The following CHAF1A variants were observed in gnomAD, a reference collection of about 807,000 sequenced individuals.
CHAF1A encodes the protein chromatin assembly factor 1 subunit A.
A neutral mutation model predicts 93.2 loss-of-function variants in CHAF1A; 5 were observed. The observed-to-expected ratio is 0.05, with a 90% confidence interval of 0.03 to 0.11. CHAF1A has a LOEUF of 0.11. Among genes scored for constraint, CHAF1A ranks in the 10% least tolerant of loss-of-function variants. The pLI, the probability that CHAF1A is intolerant of heterozygous loss-of-function variation, is 1.00. For synonymous variants in CHAF1A, 504 were observed against 510.3 expected, an observed-to-expected ratio of 0.99 and a Z score of 0.17; for missense variants, 1,102 against 1,259.9, an observed-to-expected ratio of 0.87 and a Z score of 1.90.
At chr19:4,448,096 A>G (rs1599675719), downstream of CHAF1A, 4 of 587,160 alleles carry the variant, frequency 6.8e-6, no homozygotes, top group East Asian at 1.1e-4. Flanking sequence ...GAAACCCCTG[A>G]TTCCTTCAAC....
At position 4,427,136 on chromosome 19, in the gene CHAF1A, C is replaced by CTTTTT. The variant is rs747750687; in HGVS notation, c.1378-1501_1378-1497dup. Among the ~76,000 whole-genome samples, 42 of 31,946 alleles carry CTTTTT rather than the reference C, an allele frequency of 1.3e-3. 4 individuals carry two copies. Among genetic ancestry groups the CTTTTT allele is most frequent in the African/African-American group, 3.5e-3 (24 of 6,820 alleles). 21.0% of individuals were successfully genotyped at this position (31,946 alleles called of 152,430 possible). On this transcript the variant is annotated intron_variant, in intron 7 of 14. Coordinates refer to ENST00000301280, the MANE Select transcript of CHAF1A (RefSeq NM_005483.3). ...GTGATCTTTCAAAAAAAGACCCTGT[C>CTTTTT]TTTTTTTTTTTTTTTTTTTTTTTTT...
intron 2 of CHAF1A, among the ~76,000 whole-genome samples, chr19:4,406,843 TGA>T (rs1973690191): frequency 1.3e-5 from 2 of 152,054 alleles, no homozygotes; most frequent in Admixed American, 1.3e-4. Flanking sequence ...GAGGAGTGCT[TGA>T]GTCCAGGAGT....
rs760263178 is a variant in CHAF1A, at chr19:4,409,126, T to G, written c.327T>G (p.Ser109Arg). 6.2e-7 allele frequency: 1 copy of G among 1,614,076 alleles called. No individual in the cohort carries two copies. The highest frequency in any genetic ancestry group is 1.1e-5 in the South Asian group (1 of 91,076). Residue 109 changes from serine (S) to arginine (R), a missense_variant, in exon 3 of 15, where the codon AGT (serine) becomes AGG (arginine). Coordinates refer to ENST00000301280, the MANE Select transcript of CHAF1A (RefSeq NM_005483.3). ...DNFLRNRIETSIGQSTVIIDL... is the reference protein window; with the variant it reads ...DNFLRNRIETRIGQSTVIIDL... ...TTTTAAGAAATAGAATCGAAACCAG[T>G]ATTGGCCAGAGCACAGTCATCATTG...
intron 13 of CHAF1A, among the ~76,000 whole-genome samples, chr19:4,438,818 T>C (rs1429647927): frequency 6.6e-6 from 1 of 151,892 alleles, no homozygotes; most frequent in East Asian, 1.9e-4. Context: ...CCGTCTCTAC[T>C]AAAAATACAA....
At chr19:4,442,419 C>A in intron 14 of CHAF1A, 78 bp downstream of exon 14, 1 of 1,174,896 alleles carries the variant, frequency 8.5e-7, no homozygotes, top group Non-Finnish European at 1.2e-6. Flanking sequence ...AGGGATGGGG[C>A]TGCCTAAGAC....
chr19:4,450,119 G>A, the CHAF1A span: 1 of 152,024 alleles, frequency 6.6e-6, no homozygotes, highest in East Asian at 1.9e-4. Context: ...CAGCTACTTG[G>A]GAGGCTGAGG....
chr19:4,445,485 C>T (rs1275653294), downstream of CHAF1A: 4 of 1,613,706 alleles, frequency 2.5e-6, no homozygotes, highest in South Asian at 4.4e-5. Flanking sequence ...CTGAGGCCAA[C>T]CCTGCTTTTA....
chr19:4,429,191 C>G, intron 8 of CHAF1A: 1 of 599,078 alleles, frequency 1.7e-6, no homozygotes, highest in Admixed American at 3.0e-5. Context: ...CAGAACCTCC[C>G]TTGCTAAAAA....
chr19:4,429,114 CT>C (rs1341251071), intron 8 of CHAF1A: 17 of 593,708 alleles, frequency 2.9e-5, no homozygotes, highest in Middle Eastern at 4.4e-4. Context: ...GTGGAGGAAT[CT>C]TATTTCCCTG....
In CHAF1A at chr19:4,409,738, C is replaced by G; in HGVS notation, c.939C>G (p.Pro313=). 1.2e-6 allele frequency: 2 copies of G among 1,612,378 alleles called. No individual in the cohort carries two copies. The highest frequency in any genetic ancestry group is 1.7e-6 in the Non-Finnish European group (2 of 1,178,744). The change falls in exon 3 of 15, where the codon CCC becomes CCG. Residue 313 remains proline (P), a synonymous_variant. Coordinates refer to ENST00000301280, the MANE Select transcript of CHAF1A (RefSeq NM_005483.3). ...PKQHSSTSPF[P]TSTPLRRITK... Reference sequence around the variant, plus strand: ...AGCACAGCAGTACCAGTCCCTTCCCCACCTCCACGCCCCTCCGCAGAGTGA... The same window carrying G: ...AGCACAGCAGTACCAGTCCCTTCCCGACCTCCACGCCCCTCCGCAGAGTGA...
intron 3 of CHAF1A, among the ~76,000 whole-genome samples, chr19:4,413,678 T>C (rs977999858): frequency 6.6e-6 from 1 of 152,190 alleles, no homozygotes; most frequent in African/African-American, 2.4e-5. Context: ...ATTTCTTCTT[T>C]AAAATAAAAG....
At chr19:4,449,031 G>A (rs1396463587), downstream of CHAF1A, 1 of 155,350 alleles carries the variant, frequency 6.4e-6, no homozygotes, top group Non-Finnish European at 1.4e-5. Context: ...CCGGGGGAGG[G>A]GAGAAGTCAT....
chr19:4,442,447 G>C, intron 14 of CHAF1A, 106 bp downstream of exon 14: 1 of 949,050 alleles, frequency 1.1e-6, no homozygotes, highest in East Asian at 2.7e-5. Flanking sequence ...ACTGTGAGCA[G>C]CCAGGAGGGC....
At chr19:4,411,964 A>G (rs1419481411) in intron 3 of CHAF1A, among the ~76,000 whole-genome samples, 1 of 151,818 alleles carries the variant, frequency 6.6e-6, no homozygotes, top group Non-Finnish European at 1.5e-5. Context: ...TTTGTTTTAT[A>G]TGTGCTGGTT....
At position 4,422,995 on chromosome 19, in the gene CHAF1A, C is replaced by T. The variant is rs118119795; in HGVS notation, c.1247+200C>T. 2.8e-3 allele frequency among the ~76,000 whole-genome samples: 432 copies of T among 152,326 alleles called. 4 individuals carry two copies. Among genetic ancestry groups the T allele is most frequent in the Non-Finnish European group, 4.0e-3 (271 of 68,026 alleles). The stretch of plus-strand genomic sequence containing the variant: ...CTCCCTGCTCTTTAGTGCTCCCCCA[C>T]GTCCAACTCACCCTGGACCCCTTGT... On this transcript the variant is annotated intron_variant, in intron 5 of 14. Coordinates refer to ENST00000301280, the MANE Select transcript of CHAF1A (RefSeq NM_005483.3). This position sits in a 1 kb window ranked among gnomAD's most constrained non-coding sequence, Gnocchi z 4.6.
At position 4,434,489 on chromosome 19, in the gene CHAF1A, A is replaced by T. The variant is rs983759897; in HGVS notation, c.2673+950A>T. The stretch of plus-strand genomic sequence containing the variant: ...GTTTTAAACAAAGAGGCTTCTCCCC[A>T]CTGAAAGGCCCCTGTGCTCTGCCCG... On this transcript the variant is annotated intron_variant, in intron 13 of 14. Coordinates refer to ENST00000301280, the MANE Select transcript of CHAF1A (RefSeq NM_005483.3). Among the ~76,000 whole-genome samples, 17 of 152,272 alleles carry T rather than the reference A, an allele frequency of 1.1e-4. No homozygotes were observed. In the East Asian group the frequency reaches 3.1e-3, roughly 28 times the overall value.
At chr19:4,428,291 CTTTT>C (rs71166995) in intron 7 of CHAF1A, among the ~76,000 whole-genome samples, 2 of 138,128 alleles carry the variant, frequency 1.4e-5, no homozygotes, top group Admixed American at 1.4e-4. Context: ...TGCCCCCGGC[CTTTT>C]TTTTTTTTTT....
At chr19:4,414,751 T>A (rs769186261) in intron 3 of CHAF1A, among the ~76,000 whole-genome samples, 56 of 152,222 alleles carry the variant, frequency 3.7e-4, no homozygotes, top group Non-Finnish European at 6.5e-4. Flanking sequence ...GATTGTTCCC[T>A]TGAGCTTCCT....
intron 2 of CHAF1A, among the ~76,000 whole-genome samples, chr19:4,407,432 C>T (rs1283000262): frequency 6.6e-6 from 1 of 150,518 alleles, no homozygotes; most frequent in East Asian, 2.0e-4. Context: ...TGAGAAAAGC[C>T]TAACAGAGCC....
Sources: allele counts gnomAD v4.1 joint callset (sites outside exome capture counted in the v4.1 genomes callset), GRCh38; gene constraint gnomAD v4.1.1; non-coding constraint Gnocchi (gnomAD v3.1); transcripts MANE v1.5; gene names NCBI Gene and HGNC (gene_info 2026-07-23, HGNC 2026-07-21).